LRFN2: variants seen among roughly 807,000 people sequenced by gnomAD.
The protein encoded by LRFN2 is leucine-rich repeat and fibronectin type-III domain-containing protein 2.
LRFN2 carries 18 observed loss-of-function variants against 37.3 expected under a neutral mutation model. The ratio of observed to expected loss-of-function variants is 0.48; its 90% CI spans 0.33 to 0.72. LRFN2 has a LOEUF of 0.72. LRFN2 is among the 30% of genes least tolerant of loss of function. The probability of loss-of-function intolerance (pLI) is 0.02; values close to 1 mark genes in which losing one functional copy is unlikely to be tolerated. For missense variants in LRFN2, 1,006 were observed against 1,060.7 expected, an observed-to-expected ratio of 0.95 and a Z score of 0.72; for synonymous variants, 556 against 466.6, an observed-to-expected ratio of 1.19 and a Z score of -2.47.
At chr6:40,573,368 C>T (rs758143351) in intron 1 of LRFN2, among the ~76,000 whole-genome samples, 4 of 152,216 alleles carry the variant, frequency 2.6e-5, no homozygotes, top group East Asian at 1.9e-4. Context: ...AGTCGCAACC[C>T]GGCCACTTCT....
intron 1 of LRFN2, among the ~76,000 whole-genome samples, chr6:40,559,140 C>T (rs1194070420): frequency 2.0e-5 from 3 of 151,692 alleles, no homozygotes; most frequent in Non-Finnish European, 4.4e-5. Flanking sequence ...GGATGGATGG[C>T]CGCTGGGTGG....
chr6:40,466,138 T>C (rs1347252435), intron 1 of LRFN2, among the ~76,000 whole-genome samples: 1 of 152,168 alleles, frequency 6.6e-6, no homozygotes, highest in African/African-American at 2.4e-5. Context: ...GATAATTATC[T>C]GCAAGAGAGT....
At chr6:40,545,995 G>A (rs538463089) in intron 1 of LRFN2, among the ~76,000 whole-genome samples, 4 of 152,210 alleles carry the variant, frequency 2.6e-5, no homozygotes, top group South Asian at 4.2e-4. Flanking sequence ...ATATTTTAGC[G>A]CTGGCAGTCA....
chr6:40,557,084 T>C (rs1389020435), intron 1 of LRFN2, among the ~76,000 whole-genome samples: 1 of 152,180 alleles, frequency 6.6e-6, no homozygotes, highest in Non-Finnish European at 1.5e-5. Flanking sequence ...ACAGCCTCTC[T>C]GCCACAATGC....
At chr6:40,407,910 C>A (rs1581682658) in intron 2 of LRFN2, 1 of 152,302 alleles carries the variant, frequency 6.6e-6, no homozygotes, top group Non-Finnish European at 1.5e-5. Flanking sequence ...TCAGCATGGC[C>A]CCTGCAGAAA....
intron 1 of LRFN2, among the ~76,000 whole-genome samples, chr6:40,497,903 T>C (rs555628165): frequency 2.6e-5 from 4 of 152,228 alleles, no homozygotes; most frequent in African/African-American, 9.6e-5. Flanking sequence ...ACTTCCCCAG[T>C]CTCAGGCTAC....
At chr6:40,413,501 T>C (rs9471341) in intron 2 of LRFN2, among the ~76,000 whole-genome samples, 30,442 of 152,196 alleles carry the variant, frequency 0.2, 3,228 homozygotes, top group Admixed American at 0.3. Context: ...AGGCCTGTGC[T>C]GTCTCTAGGG....
At chr6:40,568,734 T>TCCTTCCTTCCTTCCTTCCTTCCTTCC (rs1410659844) in intron 1 of LRFN2, among the ~76,000 whole-genome samples, 4 of 148,176 alleles carry the variant, frequency 2.7e-5, no homozygotes, top group African/African-American at 1.0e-4. Flanking sequence ...CTTCCTTCCT[T>TCCTTCCTTCCTTCCTTCCTTCCTTCC]TTTTGAGACG....
At chr6:40,461,649 C>T (rs368050264) in intron 1 of LRFN2, among the ~76,000 whole-genome samples, 7 of 146,858 alleles carry the variant, frequency 4.8e-5, no homozygotes, top group East Asian at 4.0e-4. Context: ...ACAGAATACA[C>T]GAGATAAATA....
At chr6:40,474,133 G>A (rs976482) in intron 1 of LRFN2, among the ~76,000 whole-genome samples, 12,046 of 152,128 alleles carry the variant, frequency 0.079, 819 homozygotes, top group African/African-American at 0.18. Context: ...CAGGTAAGTC[G>A]AGAGCCTTGT....
chr6:40,528,529 G>A (rs1428586700), intron 1 of LRFN2, among the ~76,000 whole-genome samples: 1 of 152,212 alleles, frequency 6.6e-6, no homozygotes. Flanking sequence ...AGTCAAAGTG[G>A]AGGGAGTCAA....
chr6:40,430,725 G>A (rs1185294681), intron 2 of LRFN2, among the ~76,000 whole-genome samples: 2 of 152,308 alleles, frequency 1.3e-5, no homozygotes, highest in East Asian at 1.9e-4. Context: ...TTCAAGGTCA[G>A]TACCATTGTC....
chr6:40,527,982 C>A (rs1264043851), intron 1 of LRFN2, among the ~76,000 whole-genome samples: 13 of 152,140 alleles, frequency 8.5e-5, no homozygotes, highest in African/African-American at 2.9e-4. Flanking sequence ...TACAAAGTGA[C>A]TGTTATTATT....
At chr6:40,470,604 G>A (rs1172689644) in intron 1 of LRFN2, among the ~76,000 whole-genome samples, 1 of 139,950 alleles carries the variant, frequency 7.1e-6, no homozygotes, top group Non-Finnish European at 1.5e-5. Context: ...GCAAGACTCT[G>A]TCTCAAAAAA....
At chr6:40,574,848 TCA>T (rs1767248486) in intron 1 of LRFN2, among the ~76,000 whole-genome samples, 1 of 152,066 alleles carries the variant, frequency 6.6e-6, no homozygotes, top group African/African-American at 2.4e-5. Context: ...GTCATGGGAC[TCA>T]CAACATCCTC....
At chr6:40,447,596 AC>A (rs1764001858) in intron 1 of LRFN2, among the ~76,000 whole-genome samples, 1 of 152,182 alleles carries the variant, frequency 6.6e-6, no homozygotes, top group African/African-American at 2.4e-5. Context: ...ATTACTTCAA[AC>A]GTAGATGATA....
chr6:40,456,703 T>C (rs1438580211), intron 1 of LRFN2, among the ~76,000 whole-genome samples: 3 of 152,178 alleles, frequency 2.0e-5, no homozygotes, highest in East Asian at 1.9e-4. Flanking sequence ...TGAAAACAGA[T>C]TGTTGAGGGC....
At chr6:40,536,199 C>G (rs1201925036) in intron 1 of LRFN2, among the ~76,000 whole-genome samples, 1 of 152,044 alleles carries the variant, frequency 6.6e-6, no homozygotes, top group East Asian at 1.9e-4. Flanking sequence ...CAGCAGCTCC[C>G]AGGGTGAGTG....
At chr6:40,429,039 G>A (rs1763417487) in intron 2 of LRFN2, among the ~76,000 whole-genome samples, 1 of 152,068 alleles carries the variant, frequency 6.6e-6, no homozygotes, top group Non-Finnish European at 1.5e-5. Context: ...ACTACTATGT[G>A]CTCCCACTAT....
Sources: allele counts gnomAD v4.1 joint callset (sites outside exome capture counted in the v4.1 genomes callset), GRCh38; gene constraint gnomAD v4.1.1; transcripts MANE v1.5; gene names NCBI Gene and HGNC (gene_info 2026-07-23, HGNC 2026-07-21).